ULK4: variants seen among roughly 807,000 people sequenced by gnomAD.
The protein encoded by ULK4 is inactive serine/threonine-protein kinase ULK4.
In ULK4, 133 loss-of-function variants were observed where a neutral mutation model predicts 160.6. The observed-to-expected ratio is 0.83, with a 90% CI of 0.72 to 0.96. ULK4 has a LOEUF of 0.96. Ranked by LOEUF, ULK4 falls within the 40% of genes least tolerant of loss-of-function variation. The pLI, the probability that ULK4 is intolerant of heterozygous loss-of-function variation, is 0.00. For missense variants in ULK4, 1,580 were observed against 1,499.5 expected (o/e 1.05, Z -0.89); for synonymous variants, 534 against 539.8 (o/e 0.99, Z 0.15).
At chr3:41,911,006 GTTCAA>G (rs1357624967) in intron 11 of ULK4, among the ~76,000 whole-genome samples, 1 of 152,142 alleles carries the variant, frequency 6.6e-6, no homozygotes, top group African/African-American at 2.4e-5. Flanking sequence ...GAAATTTTAA[GTTCAA>G]TTCTATTTTA....
chr3:41,382,509 T>TAG lies in ULK4; in HGVS notation c.3678+15569_3678+15570insCT, dbSNP rs146126531. 6.7e-3 allele frequency among the ~76,000 whole-genome samples: 1,020 copies of TAG among 152,350 alleles called. 4 individuals carry two copies. The highest frequency in any genetic ancestry group is 0.015 in the East Asian group (79 of 5,182). On this transcript the variant is annotated intron_variant, in intron 35 of 36. Coordinates refer to ENST00000301831, the MANE Select transcript of ULK4 (RefSeq NM_017886.4). Reference sequence around the variant, plus strand: ...TGTTGTCATTATTTACCATAATTGTTATTGCCAGTTTAAATGAATCTATAT... The same window carrying TAG: ...TGTTGTCATTATTTACCATAATTGTTAGATTGCCAGTTTAAATGAATCTATAT...
At chr3:41,574,528 CCTCTTT>C (rs1483485555) in intron 31 of ULK4, among the ~76,000 whole-genome samples, 10,244 of 105,716 alleles carry the variant, frequency 0.097, 974 homozygotes, top group Admixed American at 0.15. Context: ...CTACCAGAGT[CCTCTTT>C]TTTTTTTTTT....
At chr3:41,591,752 TA>T (rs2031324949) in intron 31 of ULK4, among the ~76,000 whole-genome samples, 1 of 152,228 alleles carries the variant, frequency 6.6e-6, no homozygotes, top group African/African-American at 2.4e-5. Context: ...TGTTATGTGG[TA>T]AATATTTGGC....
At chr3:41,368,051 AT>A (rs201490582) in intron 35 of ULK4, among the ~76,000 whole-genome samples, 2,211 of 143,888 alleles carry the variant, frequency 0.015, 22 homozygotes, top group African/African-American at 0.032. Context: ...TTGTGTCGCA[AT>A]TTTTTTTTTT....
intron 35 of ULK4, among the ~76,000 whole-genome samples, chr3:41,389,228 T>C (rs1196743296): frequency 6.6e-6 from 1 of 152,208 alleles, no homozygotes; most frequent in Non-Finnish European, 1.5e-5. Flanking sequence ...TTTTGTATCC[T>C]GACACTTTGC....
At chr3:41,573,210 G>A (rs371056099) in intron 31 of ULK4, among the ~76,000 whole-genome samples, 1 of 152,050 alleles carries the variant, frequency 6.6e-6, no homozygotes, top group South Asian at 2.1e-4. Context: ...AAAATGTACA[G>A]TTTCAGCAAA....
chr3:41,903,528 G>A (rs1165817599), intron 12 of ULK4, among the ~76,000 whole-genome samples: 1 of 151,012 alleles, frequency 6.6e-6, no homozygotes, highest in African/African-American at 2.4e-5. Flanking sequence ...GAGGCGCAAT[G>A]AGCCAAGATC....
At chr3:41,389,747 C>A (rs919493225) in intron 35 of ULK4, among the ~76,000 whole-genome samples, 10 of 152,018 alleles carry the variant, frequency 6.6e-5, no homozygotes, top group South Asian at 2.1e-4. Context: ...GGATAAGCTT[C>A]TTGATGTGCT....
intron 32 of ULK4, among the ~76,000 whole-genome samples, chr3:41,475,714 A>T (rs1289300907): frequency 6.6e-6 from 1 of 152,190 alleles, no homozygotes; most frequent in Admixed American, 6.5e-5. Flanking sequence ...CAGGCCACTG[A>T]TAACTATCAT....
At position 41,278,734 on chromosome 3, in the gene ULK4, GA is replaced by G. The variant is rs527893786; in HGVS notation, c.3679-29161del. ...CTGTTAGAAGGAAAACTAACAAACA[GA>G]AAAAAATAGCATCAACATCAACAAA... On this transcript the variant is annotated intron_variant, in intron 35 of 36. Transcript: ENST00000301831. 9.2e-5 allele frequency among the ~76,000 whole-genome samples: 14 copies of G among 152,150 alleles called. 1 individual carries two copies. The East Asian group carries it at 2.7e-3, about 29-fold the overall frequency.
intron 32 of ULK4, among the ~76,000 whole-genome samples, chr3:41,496,104 AAG>A (rs1414278796): frequency 6.6e-6 from 1 of 152,068 alleles, no homozygotes; most frequent in Non-Finnish European, 1.5e-5. Context: ...ATAAGAGAAA[AAG>A]AGGTCAATTT....
intron 31 of ULK4, among the ~76,000 whole-genome samples, chr3:41,567,558 T>C (rs1048880405): frequency 6.7e-6 from 1 of 150,282 alleles, no homozygotes; most frequent in Admixed American, 6.8e-5. Flanking sequence ...GTGATTCTCC[T>C]GCCTCAGCCT....
intron 22 of ULK4, 67 bp downstream of exon 22, chr3:41,754,294 C>T: frequency 6.6e-7 from 1 of 1,520,126 alleles, no homozygotes; most frequent in Non-Finnish European, 8.8e-7. Context: ...CAAGAAATAC[C>T]CTACAACTAC....
At chr3:41,934,890 TTCA>T (rs1385278434) in intron 4 of ULK4, among the ~76,000 whole-genome samples, 2 of 152,100 alleles carry the variant, frequency 1.3e-5, no homozygotes, top group Non-Finnish European at 2.9e-5. Context: ...ACATATTGGG[TTCA>T]TCATTTACAA....
intron 34 of ULK4, among the ~76,000 whole-genome samples, chr3:41,408,470 T>C (rs2082343288): frequency 6.7e-5 from 9 of 135,104 alleles, no homozygotes. Flanking sequence ...AGCGTCTACA[T>C]AAATGAAAAA....
At chr3:41,881,285 A>T (rs1398963065) in intron 17 of ULK4, among the ~76,000 whole-genome samples, 6 of 6,208 alleles carry the variant, frequency 9.7e-4, no homozygotes, top group Non-Finnish European at 3.0e-3. Flanking sequence ...AGAAACTTCT[A>T]AAAAAAAAAA....
intron 21 of ULK4, among the ~76,000 whole-genome samples, chr3:41,788,789 T>C (rs1451758124): frequency 1.3e-5 from 2 of 152,180 alleles, no homozygotes; most frequent in Non-Finnish European, 1.5e-5. Context: ...CACATTAGCA[T>C]ATTAAAAACT....
intron 22 of ULK4, among the ~76,000 whole-genome samples, chr3:41,737,304 C>T (rs954496091): frequency 6.6e-6 from 1 of 151,938 alleles, no homozygotes; most frequent in Non-Finnish European, 1.5e-5. Context: ...ATCCAACTTA[C>T]AAGGGATGTC....
intron 27 of ULK4, among the ~76,000 whole-genome samples, chr3:41,697,605 CATTTT>C (rs2036543753): frequency 6.6e-6 from 1 of 151,836 alleles, no homozygotes; most frequent in Non-Finnish European, 1.5e-5. Context: ...AAGAAAAATA[CATTTT>C]TTTTCTACAG....
Sources: gnomAD v4.1 joint callset for allele counts (sites outside exome capture counted in the v4.1 genomes callset) on GRCh38, gnomAD v4.1.1 for gene constraint, MANE v1.5 for transcripts, NCBI Gene and HGNC (gene_info 2026-07-23, HGNC 2026-07-21) for gene names.